Variants in NTNG1 observed in about 807,000 individuals in gnomAD.
NTNG1 encodes the protein netrin-G1.
NTNG1 carries 16 observed loss-of-function variants against 54.0 expected under a neutral mutation model. The observed-to-expected ratio is 0.30, with a 90% CI of 0.20 to 0.45. NTNG1 has a LOEUF of 0.45. Among genes scored for constraint, NTNG1 ranks in the 20% least tolerant of loss-of-function variants. The probability of loss-of-function intolerance (pLI) is 1.00; values close to 1 mark genes in which losing one functional copy is unlikely to be tolerated. For synonymous variants in NTNG1, 255 were observed against 263.1 expected, an observed-to-expected ratio of 0.97 and a Z score of 0.30; for missense variants, 530 against 678.7, an observed-to-expected ratio of 0.78 and a Z score of 2.43.
intron 4 of NTNG1, among the ~76,000 whole-genome samples, chr1:107,397,184 T>C (rs1672735547): frequency 6.6e-6 from 1 of 152,182 alleles, no homozygotes; most frequent in African/African-American, 2.4e-5. Flanking sequence ...TTTACTGGTT[T>C]TCTGTATACA....
intron 4 of NTNG1, among the ~76,000 whole-genome samples, chr1:107,407,061 T>C (rs1673474621): frequency 6.6e-6 from 1 of 152,198 alleles, no homozygotes; most frequent in Non-Finnish European, 1.5e-5. Flanking sequence ...AAGTCCGTGA[T>C]CAATATGCAC....
chr1:107,365,937 CT>C (rs1162068484), intron 3 of NTNG1, among the ~76,000 whole-genome samples: 2 of 152,156 alleles, frequency 1.3e-5, no homozygotes, highest in Non-Finnish European at 2.9e-5. Context: ...ACTCAATTTT[CT>C]TTCAGTTCAT....
At chr1:107,265,758 A>T (rs1663692656) in intron 2 of NTNG1, among the ~76,000 whole-genome samples, 1 of 152,210 alleles carries the variant, frequency 6.6e-6, no homozygotes, top group African/African-American at 2.4e-5. Context: ...CTTTGGTGAG[A>T]AGTAGAAGAA....
intron 7 of NTNG1, among the ~76,000 whole-genome samples, chr1:107,448,550 A>G (rs1319009988): frequency 2.0e-5 from 3 of 152,128 alleles, no homozygotes; most frequent in Non-Finnish European, 4.4e-5. Context: ...TAAGATCTCC[A>G]GGTGATTCAT....
At chr1:107,446,168 T>G (rs1300195535) in intron 7 of NTNG1, among the ~76,000 whole-genome samples, 1 of 152,102 alleles carries the variant, frequency 6.6e-6, no homozygotes, top group Non-Finnish European at 1.5e-5. Context: ...AACTAACTGG[T>G]TCTTATTTAC....
chr1:107,284,580 T>G (rs1433553497), intron 2 of NTNG1, among the ~76,000 whole-genome samples: 1 of 152,078 alleles, frequency 6.6e-6, no homozygotes, highest in African/African-American at 2.4e-5. Context: ...CTTCACAGGT[T>G]GCAGTAACAT....
At chr1:107,193,021 G>T (rs1372244844) in intron 2 of NTNG1, among the ~76,000 whole-genome samples, 1 of 151,994 alleles carries the variant, frequency 6.6e-6, no homozygotes, top group Non-Finnish European at 1.5e-5. Flanking sequence ...GAATGATTAT[G>T]AATCAAAATA....
intron 7 of NTNG1, among the ~76,000 whole-genome samples, chr1:107,446,687 A>T (rs1262253899): frequency 2.0e-5 from 3 of 152,048 alleles, no homozygotes; most frequent in African/African-American, 7.2e-5. Flanking sequence ...GAGATTCTGG[A>T]TTACCCACAG....
At chr1:107,260,418 T>G (rs939036635) in intron 2 of NTNG1, among the ~76,000 whole-genome samples, 2 of 152,170 alleles carry the variant, frequency 1.3e-5, no homozygotes, top group African/African-American at 4.8e-5. Flanking sequence ...ACTCTGATGT[T>G]CTACAGCAGG....
intron 2 of NTNG1, among the ~76,000 whole-genome samples, chr1:107,167,432 T>A (rs1046328315): frequency 2.0e-5 from 3 of 151,890 alleles, no homozygotes; most frequent in African/African-American, 7.2e-5. Context: ...AAGACCCATA[T>A]TTATTATACT....
intron 2 of NTNG1, among the ~76,000 whole-genome samples, chr1:107,153,699 T>A (rs1040371323): frequency 2.0e-5 from 3 of 152,208 alleles, no homozygotes; most frequent in African/African-American, 7.2e-5. Context: ...TATTGCATCA[T>A]GTCTAAATTA....
At chr1:107,447,592 G>A (rs1444041) in intron 7 of NTNG1, among the ~76,000 whole-genome samples, 44,193 of 151,916 alleles carry the variant, frequency 0.29, 6,677 homozygotes, top group Non-Finnish European at 0.3. Flanking sequence ...CGAAATTTCT[G>A]AAGTAACAAT....
intron 3 of NTNG1, among the ~76,000 whole-genome samples, chr1:107,356,521 T>C (rs935758571): frequency 3.3e-5 from 5 of 152,106 alleles, no homozygotes; most frequent in Admixed American, 3.3e-4. Context: ...GTCGAACTCC[T>C]GGCCTCAAGT....
intron 2 of NTNG1, among the ~76,000 whole-genome samples, chr1:107,281,429 A>G (rs1438555869): frequency 6.6e-6 from 1 of 152,028 alleles, no homozygotes; most frequent in East Asian, 1.9e-4. Flanking sequence ...GATTTTGTTT[A>G]TATTTTGCAA....
Position 107,352,183 on chromosome 1 carries a change from A to T in NTNG1, c.887+27261A>T, listed in dbSNP as rs552559844. Among the ~76,000 whole-genome samples, 17 of 152,268 alleles carry T rather than the reference A, an allele frequency of 1.1e-4. No individual in the cohort carries two copies. In the East Asian group the frequency reaches 3.1e-3, roughly 28 times the overall value. On this transcript the variant is annotated intron_variant, in intron 3 of 7. Transcript: ENST00000370068. ...GTGTATCTACAGTTATGGGCTCTGG[A>T]GTACAGTGGCCCTCTTCTCACAGAC... is the stretch of plus-strand genomic sequence containing the variant.
intron 3 of NTNG1, among the ~76,000 whole-genome samples, chr1:107,344,318 A>T (rs1394487943): frequency 6.6e-6 from 1 of 152,168 alleles, no homozygotes; most frequent in Non-Finnish European, 1.5e-5. Flanking sequence ...AGTTTCTTTG[A>T]TCTAAAATTA....
intron 2 of NTNG1, among the ~76,000 whole-genome samples, chr1:107,248,323 C>A (rs1477524376): frequency 2.0e-5 from 3 of 152,166 alleles, no homozygotes; most frequent in South Asian, 4.1e-4. Context: ...GTGGCAGCAT[C>A]ATGTCACAAT....
chr1:107,432,054 T>C (rs564198975), intron 6 of NTNG1, among the ~76,000 whole-genome samples: 2 of 152,200 alleles, frequency 1.3e-5, no homozygotes, highest in African/African-American at 4.8e-5. Flanking sequence ...CAGTACTTTC[T>C]GTATTTCAGA....
At chr1:107,301,121 A>G (rs1020908539) in intron 2 of NTNG1, among the ~76,000 whole-genome samples, 1 of 152,220 alleles carries the variant, frequency 6.6e-6, no homozygotes, top group Non-Finnish European at 1.5e-5. Flanking sequence ...AGACTTATCT[A>G]TGAACAAATG....
Sources: gnomAD v4.1 joint callset for allele counts (sites outside exome capture counted in the v4.1 genomes callset) on GRCh38, gnomAD v4.1.1 for gene constraint, MANE v1.5 for transcripts, NCBI Gene and HGNC (gene_info 2026-07-23, HGNC 2026-07-21) for gene names.